The following PHACTR4 variants were observed in gnomAD, a reference collection of about 807,000 sequenced individuals.
The protein encoded by PHACTR4 is protein phosphatase 1, regulatory subunit 124.
PHACTR4 carries 51 observed loss-of-function variants against 72.7 expected under a neutral mutation model. The observed-to-expected ratio is 0.70, with a 90% CI of 0.56 to 0.89. The LOEUF is 0.89. PHACTR4 is among the 40% of genes least tolerant of loss of function. PHACTR4 has a pLI of 0.00. For missense variants in PHACTR4, 731 were observed against 861.8 expected (o/e 0.85, Z 1.90); for synonymous variants, 255 against 302.5 (o/e 0.84, Z 1.63).
chr1:28,394,097 A>C (rs1653282269), intron 1 of PHACTR4, among the ~76,000 whole-genome samples: 1 of 152,152 alleles, frequency 6.6e-6, no homozygotes, highest in African/African-American at 2.4e-5. Context: ...TTATCATAGG[A>C]GATGACAGCT....
intron 2 of PHACTR4, chr1:28,438,405 C>T: frequency 6.2e-7 from 1 of 1,612,862 alleles, no homozygotes; most frequent in Non-Finnish European, 8.5e-7. Context: ...CTGATGTCTC[C>T]AGACCGGTAA....
intron 13 of PHACTR4, 64 bp from the exon 14 acceptor site, chr1:28,496,470 G>T: frequency 6.4e-7 from 1 of 1,553,608 alleles, no homozygotes; most frequent in South Asian, 1.1e-5. Context: ...CATTACTACT[G>T]ATACATTAAT....
At chr1:28,430,408 A>G (rs1656177672) in intron 2 of PHACTR4, among the ~76,000 whole-genome samples, 1 of 152,284 alleles carries the variant, frequency 6.6e-6, no homozygotes, top group Non-Finnish European at 1.5e-5. Flanking sequence ...AATTTGTACA[A>G]ATAGATGAGA....
Position 28,473,831 on chromosome 1 carries a change from A to G in PHACTR4, c.1101A>G (p.Gln367=), listed in dbSNP as rs1387059160. ...CTCCATTCCCTGCTAAGACTTTTCA[A>G]GTTGTGCCAGAAATTGAGTTTCCAC... ...RTPPFPAKTF[Q]VVPEIEFPPS... The change falls in exon 7 of 14, where the codon CAA becomes CAG. Residue 367 remains glutamine, a synonymous_variant. Coordinates refer to ENST00000373839, the MANE Select transcript of PHACTR4 (RefSeq NM_001048183.3). 4.3e-6 allele frequency: 7 copies of G among 1,613,958 alleles called. No individual in the cohort carries two copies. Among genetic ancestry groups the G allele is most frequent in the Admixed American group, 1.7e-5 (1 of 59,984 alleles).
rs545536251 is a variant in PHACTR4, at chr1:28,398,774, G to A, written c.-38-8636G>A. ...CTGGAGGTTGCAGTGAGCCAAGATC[G>A]CGCTACTGCACTCCAGCCTGGGTGA... On this transcript the variant is annotated intron_variant, in intron 1 of 13. Coordinates refer to ENST00000373839, the MANE Select transcript of PHACTR4 (RefSeq NM_001048183.3). Among the ~76,000 whole-genome samples the A allele has an allele frequency of 1.6e-3, 245 of 150,528 alleles. 1 individual carries two copies. The highest frequency in any genetic ancestry group is 4.9e-3 in the Admixed American group (74 of 15,122).
intron 2 of PHACTR4, among the ~76,000 whole-genome samples, chr1:28,435,056 T>C (rs1454248916): frequency 6.6e-6 from 1 of 152,166 alleles, no homozygotes; most frequent in Non-Finnish European, 1.5e-5. Context: ...TCTGGGTCCT[T>C]CCATTTGCTT....
rs531760152 is a variant in PHACTR4, at chr1:28,498,828, A to T, written c.*2279A>T. The T allele has an allele frequency of 2.0e-5, 3 of 151,704 alleles. No homozygotes were observed. Among genetic ancestry groups the T allele is most frequent in the Non-Finnish European group, 4.4e-5 (3 of 67,976 alleles). 9.4% of individuals were successfully genotyped at this position (151,704 alleles called of 1,614,324 possible). A position where few individuals can be genotyped will look rare whatever the true frequency, so the allele number is the denominator to read the frequency against. On this transcript the variant is annotated 3_prime_UTR_variant, in exon 14 of 14. Coordinates refer to ENST00000373839, the MANE Select transcript of PHACTR4 (RefSeq NM_001048183.3). ...CCAGGCATGGTGGTTCACGCCTATA[A>T]TCTCAGCACTTTGGGAAGCCAAGGC...
At chr1:28,480,642 A>T (rs750243911) in intron 9 of PHACTR4, 38 bp downstream of exon 9, 1 of 1,609,908 alleles carries the variant, frequency 6.2e-7, no homozygotes, top group Admixed American at 1.7e-5. Context: ...TGATTTGGTT[A>T]TGCCAGTATT....
At position 28,458,106 on chromosome 1, in the gene PHACTR4, GTT is replaced by G. The variant is rs398049175; in HGVS notation, c.17-977_17-976del. ...AAATCCTTAATATTATGGTGTGTGT[GTT>G]TGTGTGTGTGTGTGTGTGTGTGTGT... On this transcript the variant is annotated intron_variant, in intron 2 of 13. Coordinates refer to ENST00000373839, the MANE Select transcript of PHACTR4 (RefSeq NM_001048183.3). Among the ~76,000 whole-genome samples, 62 of 101,052 alleles carry G rather than the reference GTT, an allele frequency of 6.1e-4. 1 individual carries two copies. Among genetic ancestry groups the G allele is most frequent in the South Asian group, 1.8e-3 (6 of 3,324 alleles). 66.3% of individuals were successfully genotyped at this position (101,052 alleles called of 152,430 possible). A position where few individuals can be genotyped will look rare whatever the true frequency, so the allele number is the denominator to read the frequency against.
intron 2 of PHACTR4, 28 bp from the exon 3 acceptor site, chr1:28,459,057 C>T: frequency 1.3e-6 from 2 of 1,565,534 alleles, no homozygotes; most frequent in South Asian, 1.2e-5. Context: ...ACATTTGCTT[C>T]CTTCCCTCTC....
intron 1 of PHACTR4, among the ~76,000 whole-genome samples, chr1:28,378,146 A>G (rs573288684): frequency 1.2e-4 from 18 of 146,928 alleles, no homozygotes; most frequent in Non-Finnish European, 2.4e-4. Context: ...GCAGTGAGCC[A>G]AGATTGTGCC....
chr1:28,428,795 A>G (rs1656034616), intron 2 of PHACTR4, among the ~76,000 whole-genome samples: 1 of 152,122 alleles, frequency 6.6e-6, no homozygotes, highest in South Asian at 2.1e-4. Flanking sequence ...TATATTAAGC[A>G]CCTCTAATCA....
In PHACTR4 at chr1:28,497,263, T is replaced by A. The variant is rs1438574269; in HGVS notation, c.*714T>A. 1 of 151,948 alleles carries A rather than the reference T, an allele frequency of 6.6e-6. No individual in the cohort carries two copies. The highest frequency in any genetic ancestry group is 1.9e-4 in the East Asian group (1 of 5,160). 9.4% of individuals were successfully genotyped at this position (151,948 alleles called of 1,614,324 possible). A position where few individuals can be genotyped will look rare whatever the true frequency, so the allele number is the denominator to read the frequency against. ...GAACTCCAACCAGAATCCAAATTGG[T>A]TAGATGAGGCCAGGCGCGGTGGCTC... On this transcript the variant is annotated 3_prime_UTR_variant, in exon 14 of 14. Transcript: ENST00000373839.
chr1:28,379,890 A>G (rs1482748860), intron 1 of PHACTR4, among the ~76,000 whole-genome samples: 2 of 151,370 alleles, frequency 1.3e-5, no homozygotes, highest in Admixed American at 6.6e-5. Flanking sequence ...CGCCCAGCCT[A>G]TAATTTCTTA....
intron 2 of PHACTR4, among the ~76,000 whole-genome samples, chr1:28,435,296 G>A (rs760328820): frequency 1.9e-4 from 29 of 151,750 alleles, no homozygotes; most frequent in Non-Finnish European, 3.1e-4. Flanking sequence ...ACAGAGTCTC[G>A]CCCTGTTGCC....
intron 2 of PHACTR4, among the ~76,000 whole-genome samples, chr1:28,427,351 C>T (rs1197362055): frequency 1.3e-5 from 2 of 151,940 alleles, no homozygotes; most frequent in South Asian, 4.2e-4. Flanking sequence ...CATGGTGAAA[C>T]CCCGTCTCTA....
chr1:28,374,601 T>C (rs1033336056), intron 1 of PHACTR4, among the ~76,000 whole-genome samples: 4 of 151,524 alleles, frequency 2.6e-5, no homozygotes, highest in Non-Finnish European at 5.9e-5. Flanking sequence ...GGGAAAGAAC[T>C]TTTTTTCCTT....
At chr1:28,430,124 G>A (rs369755952) in intron 2 of PHACTR4, among the ~76,000 whole-genome samples, 4 of 151,970 alleles carry the variant, frequency 2.6e-5, no homozygotes, top group South Asian at 2.1e-4. Context: ...CCGGGTTCAC[G>A]CCATTCTCCT....
intron 9 of PHACTR4, among the ~76,000 whole-genome samples, chr1:28,487,569 A>G (rs532307572): frequency 6.7e-6 from 1 of 149,676 alleles, no homozygotes; most frequent in South Asian, 2.1e-4. Context: ...AAAGTTGTAT[A>G]TAGAATGGGA....
Sources: gnomAD v4.1 joint callset for allele counts (sites outside exome capture counted in the v4.1 genomes callset) on GRCh38, gnomAD v4.1.1 for gene constraint, MANE v1.5 for transcripts, NCBI Gene and HGNC (gene_info 2026-07-23, HGNC 2026-07-21) for gene names.